Variants in PTPRN2 observed in about 807,000 individuals in gnomAD.
PTPRN2 encodes the protein receptor-type tyrosine-protein phosphatase N2.
A neutral mutation model predicts 118.8 loss-of-function variants in PTPRN2; 74 were observed. The observed-to-expected ratio is 0.62, with a 90% CI of 0.52 to 0.76. The LOEUF (loss-of-function observed/expected upper bound fraction) is 0.76. Ranked by LOEUF, PTPRN2 falls within the 30% of genes least tolerant of loss-of-function variation. PTPRN2 has a pLI of 0.00. For missense variants in PTPRN2, 1,481 were observed against 1,394.4 expected (o/e 1.06, Z -0.99); for synonymous variants, 641 against 608.0 (o/e 1.05, Z -0.80).
intron 6 of PTPRN2, among the ~76,000 whole-genome samples, chr7:158,157,053 C>A (rs979818229): frequency 5.9e-5 from 9 of 151,264 alleles, no homozygotes; most frequent in African/African-American, 2.2e-4. Context: ...GCTTACACAG[C>A]GGACAGCACC....
chr7:158,194,899 C>T (rs1427958063), intron 4 of PTPRN2, among the ~76,000 whole-genome samples: 1 of 113,058 alleles, frequency 8.8e-6, no homozygotes, highest in Non-Finnish European at 1.7e-5. Flanking sequence ...AATTCTCCCT[C>T]CAGCTCTGAT....
chr7:158,239,852 G>A (rs781335544), intron 3 of PTPRN2, among the ~76,000 whole-genome samples: 15 of 152,328 alleles, frequency 9.8e-5, no homozygotes, highest in East Asian at 1.9e-4. Context: ...AATCCTGGCC[G>A]GGGCACTGGA....
chr7:157,583,539 G>A lies in PTPRN2; in HGVS notation c.2497-5399C>T, dbSNP rs1042019341. Among the ~76,000 whole-genome samples the A allele has an allele frequency of 1.1e-4, 16 of 152,214 alleles. No individual in the cohort carries two copies. Among genetic ancestry groups the A allele is most frequent in the African/African-American group, 3.9e-4 (16 of 41,542 alleles). The stretch of plus-strand genomic sequence containing the variant: ...TAGCTTGACTGTGGTCATCATTCAC[G>A]ATGTCTGCGTGTGTCAGAACATCAG... On this transcript the variant is annotated intron_variant, in intron 17 of 22. Transcript: ENST00000389418. The surrounding 1 kb of genome is among the most constrained non-coding windows in gnomAD (Gnocchi z 5.5).
intron 21 of PTPRN2, among the ~76,000 whole-genome samples, chr7:157,556,549 C>G (rs549252619): frequency 6.6e-6 from 1 of 150,832 alleles, no homozygotes; most frequent in Non-Finnish European, 1.5e-5. Context: ...TCCACCCTCA[C>G]GTCATACATA....
intron 3 of PTPRN2, among the ~76,000 whole-genome samples, chr7:158,298,229 CTCTTG>C: frequency 6.6e-6 from 1 of 152,044 alleles, no homozygotes; most frequent in Non-Finnish European, 1.5e-5. Flanking sequence ...GTATTTTCTG[CTCTTG>C]TCTTCATTAT....
At chr7:157,827,362 CCACAA>C (rs57453915) in intron 12 of PTPRN2, among the ~76,000 whole-genome samples, 5,195 of 146,670 alleles carry the variant, frequency 0.035, 121 homozygotes, top group African/African-American at 0.063. Flanking sequence ...AAGCCAGAGA[CCACAA>C]CACAACACAA....
At chr7:158,562,312 G>A (rs1400254116) in intron 1 of PTPRN2, among the ~76,000 whole-genome samples, 1 of 152,100 alleles carries the variant, frequency 6.6e-6, no homozygotes, top group Non-Finnish European at 1.5e-5. Context: ...TGATGAGCTC[G>A]AATCCCATCA....
intron 14 of PTPRN2, among the ~76,000 whole-genome samples, chr7:157,647,046 A>G (rs1192259723): frequency 1.3e-5 from 2 of 148,414 alleles, no homozygotes; most frequent in Non-Finnish European, 3.0e-5. Context: ...GGACCCATCC[A>G]GCGTGCACTG....
At chr7:158,034,944 C>T (rs983807147) in intron 11 of PTPRN2, among the ~76,000 whole-genome samples, 2 of 152,340 alleles carry the variant, frequency 1.3e-5, no homozygotes, top group Non-Finnish European at 1.5e-5. Flanking sequence ...TCAGCCAAAA[C>T]CCTATTTGCA....
Position 157,881,678 on chromosome 7 carries a change from T to G in PTPRN2, c.1788+16995A>C, listed in dbSNP as rs977412559. Among the ~76,000 whole-genome samples, 2 of 151,926 alleles carry G rather than the reference T, an allele frequency of 1.3e-5. No individual in the cohort carries two copies. Among genetic ancestry groups the G allele is most frequent in the African/African-American group, 4.8e-5 (2 of 41,318 alleles). Reference sequence around the variant, plus strand: ...TTTCCTGTTTTCGTGGAACGTTAAGTCCAAGTGCTTGTCAACAGAAGAAAG... The same window carrying G: ...TTTCCTGTTTTCGTGGAACGTTAAGGCCAAGTGCTTGTCAACAGAAGAAAG... On this transcript the variant is annotated intron_variant, in intron 12 of 22. Transcript: ENST00000389418. The surrounding 1 kb of genome is among the most constrained non-coding windows in gnomAD (Gnocchi z 4.7).
At position 157,764,543 on chromosome 7, in the gene PTPRN2, C is replaced by T. The variant is rs921850600; in HGVS notation, c.1789-81606G>A. Among the ~76,000 whole-genome samples, 6 of 152,108 alleles carry T rather than the reference C, an allele frequency of 3.9e-5. No individual in the cohort carries two copies. The highest frequency in any genetic ancestry group is 7.4e-5 in the Non-Finnish European group (5 of 68,022). On this transcript the variant is annotated intron_variant, in intron 12 of 22. Transcript: ENST00000389418. This position sits in a 1 kb window ranked among gnomAD's most constrained non-coding sequence, Gnocchi z 4.5. ...CTTAGAGTCATCAGATCCATAGAGACAGAATGTAGGACAGTGGGTCCTGGG... is the reference window on the plus strand; with the variant it reads ...CTTAGAGTCATCAGATCCATAGAGATAGAATGTAGGACAGTGGGTCCTGGG...
chr7:158,054,759 C>T (rs541796544), intron 11 of PTPRN2, among the ~76,000 whole-genome samples: 7 of 152,364 alleles, frequency 4.6e-5, no homozygotes, highest in African/African-American at 1.4e-4. Context: ...CCCGTAGCAC[C>T]GTCAGCCCTG....
rs1804167963 is a variant in PTPRN2 at position 157,990,511 on chromosome 7, G to A, written c.1723+90787C>T. Among the ~76,000 whole-genome samples the A allele has an allele frequency of 6.8e-6, 1 of 146,160 alleles. No individual in the cohort carries two copies. The highest frequency in any genetic ancestry group is 2.5e-5 in the African/African-American group (1 of 40,442). ...CACACTCCATGCCACCATGCCCAAC[G>A]GTCCCCGCCCTGCACCCACCTCTGG... On this transcript the variant is annotated intron_variant, in intron 11 of 22. Coordinates refer to ENST00000389418, the MANE Select transcript of PTPRN2 (RefSeq NM_002847.5). The surrounding 1 kb of genome is among the most constrained non-coding windows in gnomAD (Gnocchi z 4.3).
chr7:157,907,411 G>C (rs1027001309), intron 11 of PTPRN2, among the ~76,000 whole-genome samples: 7 of 150,826 alleles, frequency 4.6e-5, no homozygotes, highest in Non-Finnish European at 8.9e-5. Context: ...CTGCATGTGG[G>C]GTGTCCCGGG....
chr7:157,857,997 G>A (rs998566977), intron 12 of PTPRN2: 6 of 155,702 alleles, frequency 3.9e-5, no homozygotes, highest in African/African-American at 1.4e-4. Context: ...GCCCTTTGTC[G>A]GGGGGCCTGA....
Position 157,553,695 on chromosome 7 carries a change from C to T in PTPRN2, c.2903-4676G>A, listed in dbSNP as rs113319074. Among the ~76,000 whole-genome samples the T allele has an allele frequency of 4.0e-3, 614 of 152,250 alleles. 6 individuals are homozygous for T. The highest frequency in any genetic ancestry group is 0.013 in the African/African-American group (554 of 41,542). The stretch of plus-strand genomic sequence containing the variant: ...TGAGCCCGAGACCAAAACTGAAGAG[C>T]GGAGGAAACGGAGTTAACGCTTAAA... On this transcript the variant is annotated intron_variant, in intron 21 of 22. Transcript: ENST00000389418.
chr7:157,962,331 A>AGCGGGAGCGTTATTCCC (rs1801600065), intron 11 of PTPRN2, among the ~76,000 whole-genome samples: 2 of 147,770 alleles, frequency 1.4e-5, no homozygotes, highest in Non-Finnish European at 2.9e-5. Flanking sequence ...GTGTTATTCC[A>AGCGGGAGCGTTATTCCC]CCAGCGGGAG....
In PTPRN2 at chr7:158,194,613, G is replaced by T. The variant is rs148477700; in HGVS notation, c.381-2118C>A. ...GCCTCCCTCATAACAGGCTTTACAG[G>T]TGCGGTCAGCTGCCATCTGCTTCTC... On this transcript the variant is annotated intron_variant, in intron 4 of 22. Transcript: ENST00000389418. Among the ~76,000 whole-genome samples, 352 of 152,338 alleles carry T rather than the reference G, an allele frequency of 2.3e-3. 2 individuals are homozygous for T. Among genetic ancestry groups the T allele is most frequent in the African/African-American group, 5.3e-3 (222 of 41,578 alleles).
chr7:158,401,010 C>T (rs1198219782), intron 2 of PTPRN2, among the ~76,000 whole-genome samples: 1 of 152,190 alleles, frequency 6.6e-6, no homozygotes, highest in East Asian at 1.9e-4. Flanking sequence ...GCTCCGCCTC[C>T]TGTGGCCAAG....
Sources: allele counts gnomAD v4.1 joint callset (sites outside exome capture counted in the v4.1 genomes callset), GRCh38; gene constraint gnomAD v4.1.1; non-coding constraint Gnocchi (gnomAD v3.1); transcripts MANE v1.5; gene names NCBI Gene and HGNC (gene_info 2026-07-23, HGNC 2026-07-21).